Variants in HFM1 observed in about 807,000 individuals in gnomAD.
HFM1 encodes the protein probable ATP-dependent DNA helicase HFM1.
HFM1 carries 169 observed loss-of-function variants against 192.1 expected under a neutral mutation model. That is an observed-to-expected ratio of 0.88 (90% CI 0.78 to 1.00). HFM1 has a LOEUF of 1.00. Ranked by LOEUF, HFM1 falls within the 50% of genes least tolerant of loss-of-function variation. The probability of loss-of-function intolerance (pLI) is 0.00; values close to 1 mark genes in which losing one functional copy is unlikely to be tolerated. For missense variants in HFM1, 1,661 were observed against 1,668.0 expected (o/e 1.00, Z 0.07); for synonymous variants, 525 against 537.8 (o/e 0.98, Z 0.33).
rs1665118702 is a variant in HFM1, at chr1:91,261,121, G to C, written c.*169C>G. The C allele has an allele frequency of 2.6e-6, 1 of 377,980 alleles. No individual in the cohort carries two copies. Among genetic ancestry groups the C allele is most frequent in the Non-Finnish European group, 4.9e-6 (1 of 203,726 alleles). 23.4% of individuals were successfully genotyped at this position (377,980 alleles called of 1,614,324 possible). On this transcript the variant is annotated 3_prime_UTR_variant, in exon 39 of 39. Coordinates refer to ENST00000370425, the MANE Select transcript of HFM1 (RefSeq NM_001017975.6). ...CTTTTCAAGAAGTTACAATATAATG[G>C]GAAAATAAATCGGCCCATACATTTT...
intron 30 of HFM1, among the ~76,000 whole-genome samples, chr1:91,298,722 C>G (rs1287788822): frequency 6.6e-6 from 1 of 152,148 alleles, no homozygotes; most frequent in African/African-American, 2.4e-5. Flanking sequence ...AAATCCTTTA[C>G]AGACAAGCAA....
intron 30 of HFM1, among the ~76,000 whole-genome samples, chr1:91,311,822 G>C (rs935978491): frequency 2.0e-5 from 3 of 152,186 alleles, no homozygotes; most frequent in African/African-American, 7.2e-5. Flanking sequence ...TCTATCACAG[G>C]CCTGGAGGCC....
chr1:91,311,562 G>A (rs528558253), intron 30 of HFM1, among the ~76,000 whole-genome samples: 39 of 151,630 alleles, frequency 2.6e-4, no homozygotes, highest in African/African-American at 8.9e-4. Context: ...GGAGGCAGAG[G>A]TTGCAGCAAG....
At chr1:91,352,755 A>G (rs1441625897) in intron 15 of HFM1, 104 bp from the exon 16 acceptor site, 3 of 851,194 alleles carry the variant, frequency 3.5e-6, no homozygotes, top group Non-Finnish European at 5.2e-6. Context: ...AAACTCATAC[A>G]TAAGAAATTT....
chr1:91,315,179 A>C (rs759871329), intron 28 of HFM1, among the ~76,000 whole-genome samples: 1 of 152,228 alleles, frequency 6.6e-6, no homozygotes, highest in Non-Finnish European at 1.5e-5. Flanking sequence ...GAATACGGAC[A>C]GCACCTGTCT....
At chr1:91,342,792 G>C (rs1385315231) in intron 20 of HFM1, among the ~76,000 whole-genome samples, 1 of 152,082 alleles carries the variant, frequency 6.6e-6, no homozygotes, top group Non-Finnish European at 1.5e-5. Context: ...ATCAATGGTT[G>C]AATATTTAAG....
intron 4 of HFM1, among the ~76,000 whole-genome samples, chr1:91,386,461 C>T (rs282025): frequency 1 from 152,149 of 152,332 alleles, 75,983 homozygotes; most frequent in Non-Finnish European, 1. Context: ...GCCCCCAATA[C>T]CTTTACGCAT....
intron 35 of HFM1, among the ~76,000 whole-genome samples, chr1:91,267,405 T>G (rs1329951282): frequency 6.6e-6 from 1 of 152,198 alleles, no homozygotes; most frequent in African/African-American, 2.4e-5. Flanking sequence ...TAGCAGACCA[T>G]TTGTGATCTT....
In HFM1 at chr1:91,266,055, T is replaced by G; in HGVS notation, c.3936A>C (p.Gln1312His). The G allele has an allele frequency of 1.3e-6, 2 of 1,585,306 alleles. No individual in the cohort carries two copies. Among genetic ancestry groups the G allele is most frequent in the Admixed American group, 3.9e-5 (2 of 50,718 alleles). ...CTCTTTGGAATTTGCTCTTTGACTCTTGAAGGGGTAGCTTACTTCCCCTGG... is the reference window on the plus strand; with the variant it reads ...CTCTTTGGAATTTGCTCTTTGACTCGTGAAGGGGTAGCTTACTTCCCCTGG... ...SSTRGSKLPL[Q>H]ESKSKFQREM... Residue 1312 changes from glutamine (Q) to histidine (H), a missense_variant, in exon 36 of 39, where the codon CAA becomes CAC. Physicochemically the swap from Gln to His is conservative, Grantham distance 24. Coordinates refer to ENST00000370425, the MANE Select transcript of HFM1 (RefSeq NM_001017975.6).
intron 30 of HFM1, among the ~76,000 whole-genome samples, chr1:91,282,390 C>G (rs281940): frequency 1 from 152,039 of 152,222 alleles, 75,928 homozygotes; most frequent in Non-Finnish European, 1. Context: ...ATTTCTCGGA[C>G]GTTACTAAAG....
chr1:91,285,144 C>T (rs1312139192), intron 30 of HFM1, among the ~76,000 whole-genome samples: 6 of 152,150 alleles, frequency 3.9e-5, no homozygotes, highest in African/African-American at 1.2e-4. Context: ...TCCCCAGCCA[C>T]GTGGAACTGT....
At chr1:91,326,026 T>G (rs1170646271) in intron 20 of HFM1, among the ~76,000 whole-genome samples, 1 of 151,780 alleles carries the variant, frequency 6.6e-6, no homozygotes, top group Non-Finnish European at 1.5e-5. Flanking sequence ...AAACAGTAAG[T>G]GAGCTTGAAG....
At chr1:91,272,237 A>T (rs1666374336) in intron 34 of HFM1, among the ~76,000 whole-genome samples, 1 of 152,112 alleles carries the variant, frequency 6.6e-6, no homozygotes, top group Non-Finnish European at 1.5e-5. Context: ...AAAACCCCTA[A>T]AATATAACCA....
At chr1:91,393,547 T>C (rs988203) in intron 4 of HFM1, among the ~76,000 whole-genome samples, 12,071 of 152,166 alleles carry the variant, frequency 0.079, 630 homozygotes, top group East Asian at 0.16. Flanking sequence ...TATCCAATAA[T>C]CACTTAAGTC....
Position 91,276,637 on chromosome 1 carries a change from T to A in HFM1, c.3579A>T (p.Lys1193Asn). The part of the protein sequence containing the change: ...RNAVSSVPPV[K>N]RLKIQMNKSQ... ...TGTTATTAAAACTAACCTTCAGACG[T>A]TTAACTGGAGGAACAGATGAAACAG... The change falls in exon 32 of 39, where the codon AAA becomes AAT. Residue 1193 changes from lysine to asparagine, a missense_variant. Transcript: ENST00000370425. 1 of 1,491,066 alleles carries A rather than the reference T, an allele frequency of 6.7e-7. No homozygotes were observed. Among genetic ancestry groups the A allele is most frequent in the Non-Finnish European group, 9.1e-7 (1 of 1,097,170 alleles). The allele number at this position is 1,491,066 out of a possible 1,614,324, so 92.4% of individuals were successfully genotyped here.
At position 91,315,846 on chromosome 1, in the gene HFM1, C is replaced by T. The variant is rs780121357; in HGVS notation, c.3109G>A (p.Asp1037Asn). 3.1e-6 allele frequency: 5 copies of T among 1,610,254 alleles called. No homozygotes were observed. Among genetic ancestry groups the T allele is most frequent in the African/African-American group, 2.7e-5 (2 of 74,764 alleles). ...HYVTLIIGDA[D>N]NQVVYLHKIT... is the part of the protein sequence containing the mutation. ...TTGTGCAGATAAACTACTTGATTATCTGCGTCACCTATGATTAAGGTAACA... is the reference window on the plus strand; with the variant it reads ...TTGTGCAGATAAACTACTTGATTATTTGCGTCACCTATGATTAAGGTAACA... The change falls in exon 28 of 39, where the codon GAT becomes AAT. Residue 1037 changes from aspartate to asparagine, a missense_variant. Coordinates refer to ENST00000370425, the MANE Select transcript of HFM1 (RefSeq NM_001017975.6).
intron 20 of HFM1, chr1:91,329,289 G>A (rs1653444097): frequency 6.2e-7 from 1 of 1,609,122 alleles, no homozygotes; most frequent in African/African-American, 1.3e-5. Flanking sequence ...AAATGAAGAA[G>A]AGCTGGTCAA....
intron 23 of HFM1, among the ~76,000 whole-genome samples, chr1:91,320,455 T>C (rs1651922382): frequency 6.6e-6 from 1 of 152,062 alleles, no homozygotes; most frequent in Admixed American, 6.5e-5. Flanking sequence ...AAAATGTAAA[T>C]GGGGTGCTTT....
chr1:91,276,760 C>A lies in HFM1; in HGVS notation c.3473-17G>T. On this transcript the variant is annotated splice_polypyrimidine_tract_variant and intron_variant, in intron 31 of 38. Coordinates refer to ENST00000370425, the MANE Select transcript of HFM1 (RefSeq NM_001017975.6). ...CAATTTTACCTATGAAAAGAAACTT[C>A]AGATTCTTTAGGTTAAACTTCAGAT... 4.2e-6 allele frequency: 5 copies of A among 1,194,348 alleles called. No homozygotes were observed. The highest frequency in any genetic ancestry group is 5.9e-6 in the Non-Finnish European group (5 of 850,666). 74.0% of individuals were successfully genotyped at this position (1,194,348 alleles called of 1,614,324 possible).
Sources: allele counts gnomAD v4.1 joint callset (sites outside exome capture counted in the v4.1 genomes callset), GRCh38; gene constraint gnomAD v4.1.1; transcripts MANE v1.5; gene names NCBI Gene and HGNC (gene_info 2026-07-23, HGNC 2026-07-21).